TMEM47: variants seen among roughly 807,000 people sequenced by gnomAD.
TMEM47 encodes the protein transmembrane protein 47.
In TMEM47, 3 loss-of-function variants were observed where a neutral mutation model predicts 12.4. The ratio of observed to expected loss-of-function variants is 0.24; its 90% confidence interval spans 0.11 to 0.63. The LOEUF (loss-of-function observed/expected upper bound fraction) is 0.63, where lower values mean the gene tolerates loss of function less well. Ranked by LOEUF, TMEM47 falls within the 20% of genes least tolerant of loss-of-function variation. The pLI, the probability that TMEM47 is intolerant of heterozygous loss-of-function variation, is 0.86. For synonymous variants in TMEM47, 62 were observed against 63.3 expected (o/e 0.98, Z 0.10); for missense variants, 89 against 143.8 (o/e 0.62, Z 1.95).
chrX:34,647,128 T>A (rs1008586742), intron 1 of TMEM47, among the ~76,000 whole-genome samples: 1 of 110,900 alleles, frequency 9.0e-6, no homozygotes, highest in Non-Finnish European at 1.9e-5. Context: ...GAGGGAAGCA[T>A]TCGAATGTAC....
At chrX:34,644,277 T>C (rs1020788905) in intron 1 of TMEM47, among the ~76,000 whole-genome samples, 1 of 111,917 alleles carries the variant, frequency 8.9e-6, no homozygotes, top group Admixed American at 9.5e-5. Flanking sequence ...GTTTCCAATG[T>C]CTATAAACAG....
At chrX:34,646,692 A>G (rs1336571727) in intron 1 of TMEM47, among the ~76,000 whole-genome samples, 1 of 111,474 alleles carries the variant, frequency 9.0e-6, no homozygotes, top group East Asian at 2.8e-4. Flanking sequence ...GAGTGGGTGA[A>G]ACTTCCTCTA....
intron 2 of TMEM47, among the ~76,000 whole-genome samples, chrX:34,635,478 T>C (rs983738311): frequency 1.8e-5 from 2 of 111,550 alleles, no homozygotes; most frequent in Non-Finnish European, 3.8e-5. Context: ...CAGATGTTTA[T>C]GTCACAAGGA....
intron 1 of TMEM47, among the ~76,000 whole-genome samples, chrX:34,641,413 A>G (rs1230382475): frequency 8.9e-6 from 1 of 112,185 alleles, no homozygotes; most frequent in Non-Finnish European, 1.9e-5. Flanking sequence ...AACTTTCCCT[A>G]AATTATTTTA....
Position 34,641,546 on chromosome X carries a change from A to G in TMEM47, c.227-2159T>C, listed in dbSNP as rs1921817901. ...GTTTTTTCCTGATTAGCTCTTTCAC[A>G]TAGCTCAGTGTGAAAAAAAATGCCA... On this transcript the variant is annotated intron_variant, in intron 1 of 2. Coordinates refer to ENST00000275954, the MANE Select transcript of TMEM47 (RefSeq NM_031442.4). Among the ~76,000 whole-genome samples the G allele has an allele frequency of 2.7e-5, 3 of 112,187 alleles. No individual in the cohort carries two copies. The Admixed American group carries it at 2.8e-4, about 11-fold the overall frequency.
intron 2 of TMEM47, among the ~76,000 whole-genome samples, chrX:34,636,434 T>A (rs1467794901): frequency 8.9e-6 from 1 of 112,176 alleles, no homozygotes; most frequent in African/African-American, 3.2e-5. Flanking sequence ...AAAGAGAATT[T>A]TCTGCAATTT....
chrX:34,657,080 G>T lies in TMEM47; in HGVS notation c.-51C>A. 1 of 1,093,069 alleles carries T rather than the reference G, an allele frequency of 9.1e-7. No homozygotes were observed. Among genetic ancestry groups the T allele is most frequent in the Non-Finnish European group, 1.2e-6 (1 of 839,276 alleles). The allele number at this position is 1,093,069 out of a possible 1,213,427, so 90.1% of individuals were successfully genotyped here. ...CGCCGCAGGCGAGGACGCCAGGCGG[G>T]TCCGGAGAGCCGGGAGCCGGACCTC... On this transcript the variant is annotated 5_prime_UTR_variant, in exon 1 of 3. Transcript: ENST00000275954.
At chrX:34,645,762 T>C (rs1180509923) in intron 1 of TMEM47, among the ~76,000 whole-genome samples, 1 of 111,909 alleles carries the variant, frequency 8.9e-6, no homozygotes, top group African/African-American at 3.2e-5. Flanking sequence ...TGCAAAGAAA[T>C]ATTTCTTTGT....
intron 2 of TMEM47, among the ~76,000 whole-genome samples, chrX:34,633,730 T>C (rs752998047): frequency 1.1e-3 from 124 of 111,587 alleles, no homozygotes; most frequent in African/African-American, 3.9e-3. Flanking sequence ...TTTCAACGTG[T>C]TTTATTTAGC....
chrX:34,650,767 T>G (rs1922004185), intron 1 of TMEM47, among the ~76,000 whole-genome samples: 1 of 112,266 alleles, frequency 8.9e-6, no homozygotes, highest in African/African-American at 3.2e-5. Flanking sequence ...CTTGGTTGTT[T>G]GAGACTAAAC....
rs1922129718 is a variant in TMEM47, at chrX:34,657,179, C to A, written c.-150G>T. The A allele has an allele frequency of 9.8e-6, 9 of 915,772 alleles. No homozygotes were observed. The highest frequency in any genetic ancestry group is 1.2e-5 in the Non-Finnish European group (9 of 726,547). The allele number at this position is 915,772 out of a possible 1,213,427, so 75.5% of individuals were successfully genotyped here. On this transcript the variant is annotated 5_prime_UTR_variant, in exon 1 of 3. Coordinates refer to ENST00000275954, the MANE Select transcript of TMEM47 (RefSeq NM_031442.4). ...GGGGCTCTGCGCGCCCCCTGCCGCG[C>A]GGCCAAGGTGGGTCTGCGGAGGCGG...
chrX:34,640,223 T>C (rs776138054), intron 1 of TMEM47, among the ~76,000 whole-genome samples: 2 of 111,873 alleles, frequency 1.8e-5, no homozygotes, highest in Admixed American at 9.5e-5. Flanking sequence ...GGAGCCAGAA[T>C]GGACTCTGAA....
chrX:34,627,092 AT>A lies in TMEM47; in HGVS notation c.*3220del, dbSNP rs1441610848. ...AAACCACATCCGTGAAATCACTTTTATTTTTATTTTTTTCCACATAGATGAC... is the reference window on the plus strand; with the variant it reads ...AAACCACATCCGTGAAATCACTTTTATTTTATTTTTTTCCACATAGATGAC... On this transcript the variant is annotated 3_prime_UTR_variant, in exon 3 of 3. Transcript: ENST00000275954. The A allele has an allele frequency of 8.9e-6, 1 of 111,821 alleles. No homozygotes were observed. 9.2% of individuals were successfully genotyped at this position (111,821 alleles called of 1,213,427 possible).
At chrX:34,651,472 T>C (rs1289667864) in intron 1 of TMEM47, among the ~76,000 whole-genome samples, 1 of 112,117 alleles carries the variant, frequency 8.9e-6, no homozygotes, top group Non-Finnish European at 1.9e-5. Flanking sequence ...TCCTAGCCAT[T>C]CAAGTTATCT....
rs1037718735 is a variant in TMEM47, at chrX:34,628,937, G to GAAC, written c.*1373_*1375dup. The GAAC allele has an allele frequency of 2.7e-5, 3 of 111,295 alleles. No individual in the cohort carries two copies. The highest frequency in any genetic ancestry group is 9.8e-5 in the African/African-American group (3 of 30,524). 9.2% of individuals were successfully genotyped at this position (111,295 alleles called of 1,213,427 possible). A position where few individuals can be genotyped will look rare whatever the true frequency, so the allele number is the denominator to read the frequency against. On this transcript the variant is annotated 3_prime_UTR_variant, in exon 3 of 3. Transcript: ENST00000275954. ...CCTATTATTAATACTTCCTTCCATT[G>GAAC]AACAGTCAGTAAGTAATTCCCTTAA...
intron 1 of TMEM47, among the ~76,000 whole-genome samples, chrX:34,642,205 C>T (rs138937414): frequency 8.0e-5 from 9 of 112,646 alleles, no homozygotes; most frequent in African/African-American, 2.9e-4. Flanking sequence ...GTTTGGACTC[C>T]ATGGCTGAGC....
intron 2 of TMEM47, among the ~76,000 whole-genome samples, chrX:34,638,802 T>G (rs1192401772): frequency 1.8e-5 from 2 of 112,014 alleles, no homozygotes; most frequent in African/African-American, 3.2e-5. Context: ...TGTCTAATGG[T>G]TGGAGTCATA....
intron 2 of TMEM47, among the ~76,000 whole-genome samples, chrX:34,635,420 C>T (rs1008731017): frequency 2.7e-5 from 3 of 111,526 alleles, no homozygotes; most frequent in African/African-American, 6.5e-5. Flanking sequence ...CTTGATTTCT[C>T]GTCTCAGGGT....
chrX:34,640,721 G>A (rs373063659), intron 1 of TMEM47, among the ~76,000 whole-genome samples: 22 of 111,319 alleles, frequency 2.0e-4, no homozygotes, highest in African/African-American at 2.9e-4. Context: ...TCTTTGTTAC[G>A]GTAGGATAAA....
Sources: gnomAD v4.1 joint callset for allele counts (sites outside exome capture counted in the v4.1 genomes callset) on GRCh38, gnomAD v4.1.1 for gene constraint, MANE v1.5 for transcripts, NCBI Gene and HGNC (gene_info 2026-07-23, HGNC 2026-07-21) for gene names.